Variants in CHCHD6 observed in about 807,000 individuals in gnomAD.
CHCHD6 encodes coiled-coil-helix-coiled-coil-helix domain containing 6.
In CHCHD6, 28 loss-of-function variants were observed where a neutral mutation model predicts 32.3. That is an observed-to-expected ratio of 0.87 (90% CI 0.64 to 1.19). The LOEUF (loss-of-function observed/expected upper bound fraction) is 1.19, where lower values mean the gene tolerates loss of function less well. Among genes scored for constraint, CHCHD6 ranks in the 50% most tolerant of loss-of-function variants. CHCHD6 has a pLI of 0.00. For missense variants in CHCHD6, 333 were observed against 307.0 expected, an observed-to-expected ratio of 1.08 and a Z score of -0.63; for synonymous variants, 122 against 117.5, an observed-to-expected ratio of 1.04 and a Z score of -0.25.
chr3:126,779,565 A>G (rs1282148965), intron 4 of CHCHD6, among the ~76,000 whole-genome samples: 4 of 147,906 alleles, frequency 2.7e-5, no homozygotes, highest in Non-Finnish European at 4.5e-5. Context: ...AAAGAATTTT[A>G]TAGTTTTAGC....
intron 5 of CHCHD6, among the ~76,000 whole-genome samples, chr3:126,899,848 A>G (rs79035801): frequency 0.031 from 4,727 of 152,240 alleles, 162 homozygotes; most frequent in East Asian, 0.16. Context: ...AAATCACCAA[A>G]TTTGTGGTGA....
chr3:126,730,697 A>G, intron 3 of CHCHD6, 67 bp downstream of exon 3: 1 of 1,351,472 alleles, frequency 7.4e-7, no homozygotes, highest in Middle Eastern at 2.0e-4. Flanking sequence ...CTCACTGGGT[A>G]CCCCTCTCCT....
chr3:126,711,036 G>A (rs968023582), intron 1 of CHCHD6, among the ~76,000 whole-genome samples: 2 of 152,298 alleles, frequency 1.3e-5, no homozygotes, highest in South Asian at 4.1e-4. Context: ...CCATCATTAA[G>A]TGTGTTAGGT....
At position 126,704,246 on chromosome 3, in the gene CHCHD6, T is replaced by G; in HGVS notation, c.-67T>G. 6.1e-6 allele frequency: 8 copies of G among 1,309,482 alleles called. No homozygotes were observed. The highest frequency in any genetic ancestry group is 2.3e-5 in the East Asian group (1 of 42,598). 81.1% of individuals were successfully genotyped at this position (1,309,482 alleles called of 1,614,324 possible). On this transcript the variant is annotated 5_prime_UTR_variant, in exon 1 of 8. Transcript: ENST00000290913. ...GCGGCCGCGCGAGTCCTGGAAAGCGTTGTTGGCCCGGTTGCTCTGGAGCCG... is the reference window on the plus strand; with the variant it reads ...GCGGCCGCGCGAGTCCTGGAAAGCGGTGTTGGCCCGGTTGCTCTGGAGCCG...
chr3:126,819,118 ACTC>A (rs1171925158), intron 4 of CHCHD6, among the ~76,000 whole-genome samples: 1 of 151,522 alleles, frequency 6.6e-6, no homozygotes, highest in Non-Finnish European at 1.5e-5. Context: ...CATACTCTAA[ACTC>A]CTGCCACACT....
At chr3:126,775,120 C>G (rs1472421510) in intron 4 of CHCHD6, among the ~76,000 whole-genome samples, 3 of 152,192 alleles carry the variant, frequency 2.0e-5, no homozygotes, top group Non-Finnish European at 4.4e-5. Flanking sequence ...AGTGAATCTA[C>G]TCTTGCAGTG....
chr3:126,946,132 T>TCAC (rs1268711896), intron 6 of CHCHD6, among the ~76,000 whole-genome samples: 2 of 152,008 alleles, frequency 1.3e-5, no homozygotes, highest in Non-Finnish European at 2.9e-5. Flanking sequence ...GGGGCTGCCA[T>TCAC]GGTGAGTCTC....
intron 6 of CHCHD6, among the ~76,000 whole-genome samples, chr3:126,946,326 G>A (rs1029155056): frequency 3.9e-5 from 6 of 152,198 alleles, no homozygotes; most frequent in South Asian, 2.1e-4. Context: ...GGGAAAGTGT[G>A]CATTCTTTAT....
chr3:126,878,135 G>A (rs1229060909), intron 5 of CHCHD6, among the ~76,000 whole-genome samples: 8 of 152,222 alleles, frequency 5.3e-5, no homozygotes, highest in African/African-American at 9.6e-5. Context: ...GGAAGAAAGA[G>A]CCTTGTGGTC....
chr3:126,771,685 G>A (rs1937545485), intron 4 of CHCHD6, among the ~76,000 whole-genome samples: 1 of 152,004 alleles, frequency 6.6e-6, no homozygotes, highest in Admixed American at 6.6e-5. Flanking sequence ...CAGCTTTGGG[G>A]CTATTTTGCT....
At chr3:126,912,555 G>T (rs2078106365) in intron 5 of CHCHD6, among the ~76,000 whole-genome samples, 1 of 152,212 alleles carries the variant, frequency 6.6e-6, no homozygotes, top group African/African-American at 2.4e-5. Flanking sequence ...GTAGAGGGAG[G>T]CATCCATTAT....
intron 4 of CHCHD6, among the ~76,000 whole-genome samples, chr3:126,851,864 C>T (rs1373349642): frequency 6.6e-6 from 1 of 152,212 alleles, no homozygotes; most frequent in African/African-American, 2.4e-5. Context: ...CCTGAGGAAG[C>T]TGGAGGTCAG....
At chr3:126,863,239 A>T in intron 5 of CHCHD6, among the ~76,000 whole-genome samples, 1 of 122,352 alleles carries the variant, frequency 8.2e-6, no homozygotes. Flanking sequence ...CCCCTCCTCC[A>T]CCATCACCAC....
At chr3:126,871,541 A>G (rs892563255) in intron 5 of CHCHD6, among the ~76,000 whole-genome samples, 3 of 151,718 alleles carry the variant, frequency 2.0e-5, no homozygotes, top group African/African-American at 7.3e-5. Flanking sequence ...TCTCCCCAGG[A>G]TGACGTGTTC....
chr3:126,945,170 G>C lies in CHCHD6; in HGVS notation c.567-12246G>C, dbSNP rs535566408. 2.6e-5 allele frequency among the ~76,000 whole-genome samples: 4 copies of C among 152,232 alleles called. No homozygotes were observed. In the South Asian group the frequency reaches 8.3e-4, roughly 32 times the overall value. ...CAGGGCAGCAGAGCAGGCACGGGCG[G>C]CTCTTGTGAGGAGGACTTTGGCTCA... On this transcript the variant is annotated intron_variant, in intron 6 of 7. Coordinates refer to ENST00000290913, the MANE Select transcript of CHCHD6 (RefSeq NM_032343.3).
chr3:126,786,837 C>T (rs2107683575), intron 4 of CHCHD6, among the ~76,000 whole-genome samples: 2 of 152,054 alleles, frequency 1.3e-5, no homozygotes, highest in East Asian at 3.9e-4. Flanking sequence ...AATTAGATCC[C>T]ATTTGTCAAT....
At chr3:126,829,156 A>G (rs1940529376) in intron 4 of CHCHD6, among the ~76,000 whole-genome samples, 1 of 152,078 alleles carries the variant, frequency 6.6e-6, no homozygotes, top group African/African-American at 2.4e-5. Flanking sequence ...GCATACCACA[A>G]ATTTTGCCCT....
intron 4 of CHCHD6, among the ~76,000 whole-genome samples, chr3:126,790,926 C>A (rs997390822): frequency 1.3e-5 from 2 of 151,992 alleles, no homozygotes; most frequent in Non-Finnish European, 2.9e-5. Flanking sequence ...CAGTTTTTCT[C>A]TTCTGTTTTT....
intron 1 of CHCHD6, among the ~76,000 whole-genome samples, chr3:126,711,352 C>T (rs1188543802): frequency 6.6e-6 from 1 of 152,180 alleles, no homozygotes; most frequent in Non-Finnish European, 1.5e-5. Flanking sequence ...TTGTTTTCCG[C>T]CATGTGGTTG....
Sources: gnomAD v4.1 joint callset for allele counts (sites outside exome capture counted in the v4.1 genomes callset) on GRCh38, gnomAD v4.1.1 for gene constraint, MANE v1.5 for transcripts, NCBI Gene and HGNC (gene_info 2026-07-23, HGNC 2026-07-21) for gene names.